The following RBFOX3 variants were observed in gnomAD, a reference collection of about 807,000 sequenced individuals.
RBFOX3 encodes the protein RNA binding protein fox-1 homolog 3.
In RBFOX3, 17 loss-of-function variants were observed where a neutral mutation model predicts 48.7. The ratio of observed to expected loss-of-function variants is 0.35; its 90% CI spans 0.24 to 0.52. The LOEUF (loss-of-function observed/expected upper bound fraction) is 0.52. RBFOX3 is among the 20% of genes least tolerant of loss of function. RBFOX3 has a pLI of 0.94. For synonymous variants in RBFOX3, 212 were observed against 209.5 expected, an observed-to-expected ratio of 1.01 and a Z score of -0.10; for missense variants, 382 against 497.5, an observed-to-expected ratio of 0.77 and a Z score of 2.21.
At chr17:79,227,758 A>G (rs2060490542) in intron 4 of RBFOX3, among the ~76,000 whole-genome samples, 1 of 152,158 alleles carries the variant, frequency 6.6e-6, no homozygotes, top group African/African-American at 2.4e-5. Context: ...TGAGGGTGGG[A>G]GAAATCCAGG....
At chr17:79,114,381 G>C (rs1186741453) in intron 5 of RBFOX3, among the ~76,000 whole-genome samples, 1 of 152,182 alleles carries the variant, frequency 6.6e-6, no homozygotes, top group Non-Finnish European at 1.5e-5. Flanking sequence ...GGGCAGATTC[G>C]GGCTGGGCGG....
At chr17:79,317,991 A>G (rs1401251341) in intron 2 of RBFOX3, among the ~76,000 whole-genome samples, 1 of 152,168 alleles carries the variant, frequency 6.6e-6, no homozygotes, top group Non-Finnish European at 1.5e-5. Context: ...CATTTCTAGA[A>G]ATGTCTTTAC....
chr17:79,353,961 CCCTTT>C (rs1315026984), intron 2 of RBFOX3, among the ~76,000 whole-genome samples: 1 of 152,212 alleles, frequency 6.6e-6, no homozygotes, highest in Admixed American at 6.5e-5. Flanking sequence ...AGGAGATCTT[CCCTTT>C]CACCACCCGA....
chr17:79,660,597 T>A, the RBFOX3 span, among the ~76,000 whole-genome samples: 152,301 of 152,368 alleles, frequency 1, 76,117 homozygotes, highest in Middle Eastern at 1. Context: ...ACAACAAGAC[T>A]TCTTCTCACA....
At chr17:79,247,310 A>T (rs1332328527) in intron 3 of RBFOX3, among the ~76,000 whole-genome samples, 53 of 116,540 alleles carry the variant, frequency 4.5e-4, no homozygotes, top group African/African-American at 5.6e-4. Context: ...ACATAATCGT[A>T]TTTTTTTTTT....
chr17:79,622,133 G>A, the RBFOX3 span, among the ~76,000 whole-genome samples: 1 of 151,758 alleles, frequency 6.6e-6, no homozygotes, highest in Non-Finnish European at 1.5e-5. Context: ...CTTCAGCCAT[G>A]CACATGTTAC....
In RBFOX3 at chr17:79,566,585, T is replaced by G. The variant is rs968981998; in HGVS notation, c.-320+44241A>C. Among the ~76,000 whole-genome samples the G allele has an allele frequency of 1.6e-4, 25 of 152,294 alleles. No individual in the cohort carries two copies. In the East Asian group the frequency reaches 4.8e-3, roughly 29 times the overall value. ...TCCTTCCATGCTTTGAGGAAAGTCT[T>G]GCAATGATGGACAGAATCAGCCAGT... On this transcript the variant is annotated intron_variant, in intron 1 of 14. Coordinates refer to ENST00000693108, the MANE Select transcript of RBFOX3 (RefSeq NM_001350451.2).
intron 4 of RBFOX3, among the ~76,000 whole-genome samples, chr17:79,188,877 T>G (rs2053942868): frequency 6.6e-6 from 1 of 152,254 alleles, no homozygotes; most frequent in South Asian, 2.1e-4. Flanking sequence ...TGCAAGCTCC[T>G]GCTGCATCTG....
In RBFOX3 at chr17:79,195,871, G is replaced by A. The variant is rs1459507844; in HGVS notation, c.-34+39895C>T. Among the ~76,000 whole-genome samples, 1 of 152,228 alleles carries A rather than the reference G, an allele frequency of 6.6e-6. No individual in the cohort carries two copies. The highest frequency in any genetic ancestry group is 6.5e-5 in the Admixed American group (1 of 15,282). ...ACTCGCTTGCATTTGGCTGCTGGGT[G>A]AGCTTATTGATTTTTCTCTCCGAGG... On this transcript the variant is annotated intron_variant, in intron 4 of 14. Transcript: ENST00000693108. The surrounding 1 kb of genome is among the most constrained non-coding windows in gnomAD (Gnocchi z 5.3).
chr17:79,474,219 G>A (rs980367550), intron 2 of RBFOX3, among the ~76,000 whole-genome samples: 3 of 152,276 alleles, frequency 2.0e-5, no homozygotes, highest in African/African-American at 7.2e-5. Flanking sequence ...TAGGCTCTTG[G>A]ATGCCGTTGA....
At chr17:79,184,513 T>C (rs1599861734) in intron 4 of RBFOX3, among the ~76,000 whole-genome samples, 1 of 151,564 alleles carries the variant, frequency 6.6e-6, no homozygotes, top group African/African-American at 2.4e-5. Context: ...CCCACTGGCC[T>C]GCCCCGAGTC....
At chr17:79,329,505 C>T (rs187094456) in intron 2 of RBFOX3, among the ~76,000 whole-genome samples, 57 of 152,294 alleles carry the variant, frequency 3.7e-4, no homozygotes, top group African/African-American at 1.1e-3. Context: ...CCAGATCACC[C>T]GTGAGAACTT....
intron 2 of RBFOX3, among the ~76,000 whole-genome samples, chr17:79,474,085 G>A (rs1158222401): frequency 2.6e-5 from 4 of 151,588 alleles, no homozygotes; most frequent in Admixed American, 6.6e-5. Flanking sequence ...GGAATTCACC[G>A]GCAACCCCCT....
chr17:79,456,541 G>A (rs1223941378), intron 2 of RBFOX3, among the ~76,000 whole-genome samples: 3 of 152,084 alleles, frequency 2.0e-5, no homozygotes, highest in Admixed American at 2.0e-4. Context: ...GGTTCCCAAA[G>A]GGTCTCTCTG....
chr17:79,137,694 C>T (rs915117687), intron 4 of RBFOX3, among the ~76,000 whole-genome samples: 2 of 152,230 alleles, frequency 1.3e-5, no homozygotes, highest in South Asian at 2.1e-4. Context: ...GCTTCTTTTC[C>T]CGTTAGGCGC....
At chr17:79,297,963 G>T (rs1318680637) in intron 3 of RBFOX3, among the ~76,000 whole-genome samples, 1 of 152,248 alleles carries the variant, frequency 6.6e-6, no homozygotes, top group Non-Finnish European at 1.5e-5. Flanking sequence ...ACGGGTGGTA[G>T]TGTCCCATTC....
rs542535411 is a variant in RBFOX3 at position 79,266,567 on chromosome 17, G to T, written c.-73-30762C>A. Reference sequence around the variant, plus strand: ...GCTCCCGAAGTGCTTGGAATTTCCCGTGTGCCAGGACGGTCTTTAGAAAGT... The same window carrying T: ...GCTCCCGAAGTGCTTGGAATTTCCCTTGTGCCAGGACGGTCTTTAGAAAGT... On this transcript the variant is annotated intron_variant, in intron 3 of 14. Coordinates refer to ENST00000693108, the MANE Select transcript of RBFOX3 (RefSeq NM_001350451.2). 7.2e-5 allele frequency among the ~76,000 whole-genome samples: 11 copies of T among 152,250 alleles called. No individual in the cohort carries two copies. In the East Asian group the frequency reaches 2.1e-3, roughly 29 times the overall value.
At chr17:79,287,943 G>A (rs989210153) in intron 3 of RBFOX3, among the ~76,000 whole-genome samples, 1 of 152,286 alleles carries the variant, frequency 6.6e-6, no homozygotes, top group South Asian at 2.1e-4. Flanking sequence ...CATGGGACGC[G>A]CTCTGCCAGT....
chr17:79,307,144 G>A (rs926772924), intron 3 of RBFOX3, among the ~76,000 whole-genome samples: 1 of 152,246 alleles, frequency 6.6e-6, no homozygotes, highest in African/African-American at 2.4e-5. Flanking sequence ...TATAGGCTGC[G>A]GCCACCTCGG....
Sources: allele counts gnomAD v4.1 joint callset (sites outside exome capture counted in the v4.1 genomes callset), GRCh38; gene constraint gnomAD v4.1.1; non-coding constraint Gnocchi (gnomAD v3.1); transcripts MANE v1.5; gene names NCBI Gene and HGNC (gene_info 2026-07-23, HGNC 2026-07-21).